The following ZNF433 variants were observed in gnomAD, a reference collection of about 807,000 sequenced individuals.
ZNF433 encodes the protein zinc finger protein 433.
In ZNF433, 12 loss-of-function variants were observed where a neutral mutation model predicts 10.6. That is an observed-to-expected ratio of 1.13 (90% CI 0.72 to 1.83). The LOEUF is 1.83. ZNF433 is among the 40% of genes most tolerant of loss of function. ZNF433 has a pLI of 0.00. For synonymous variants in ZNF433, 272 were observed against 271.3 expected (o/e 1.00, Z -0.02); for missense variants, 737 against 798.0 (o/e 0.92, Z 0.92).
At chr19:12,016,765 A>T in intron 3 of ZNF433, 99 bp from the exon 4 acceptor site, 2 of 1,433,524 alleles carry the variant, frequency 1.4e-6, no homozygotes, top group Non-Finnish European at 1.8e-6. Flanking sequence ...TTTTTTTGAG[A>T]TGGAGTCTCA....
At chr19:12,025,168 A>G (rs1204606048) in intron 1 of ZNF433, 2 of 152,140 alleles carry the variant, frequency 1.3e-5, no homozygotes, top group Admixed American at 1.3e-4. Flanking sequence ...AAAAAGCAAG[A>G]GCTTGTAGCT....
rs79356451 is a variant in ZNF433 at position 12,015,313 on chromosome 19, C to T, written c.1545G>A (p.Ser515=). 425 of 1,604,752 alleles carry T rather than the reference C, an allele frequency of 2.6e-4. No individual in the cohort carries two copies. Among genetic ancestry groups the T allele is most frequent in the Non-Finnish European group, 3.4e-4 (395 of 1,177,260 alleles). ...TCCTTCCATGATATCGAAAGGAGCT[C>T]GAACAGTTGAAGGATCTGCCACACT... ...CKQCGRSFNC[S]SSFRYHGRTH... Residue 515 remains serine, a synonymous_variant, in exon 4 of 4, where the codon TCG becomes TCA. Coordinates refer to ENST00000550507, the MANE Select transcript of ZNF433 (RefSeq NM_001308348.2).
chr19:12,034,738 C>T (rs1377390128), intron 1 of ZNF433: 2 of 450,744 alleles, frequency 4.4e-6, no homozygotes, highest in East Asian at 7.0e-5. Context: ...TTCACACTCT[C>T]CACCAACGGC....
At chr19:12,028,946 C>T (rs1330801419) in intron 1 of ZNF433, among the ~76,000 whole-genome samples, 1 of 152,110 alleles carries the variant, frequency 6.6e-6, no homozygotes, top group East Asian at 1.9e-4. Flanking sequence ...CCACCTTGGC[C>T]TCCAAAAGCA....
chr19:12,021,659 T>TC (rs1158031223), intron 1 of ZNF433, among the ~76,000 whole-genome samples: 1 of 152,180 alleles, frequency 6.6e-6, no homozygotes, highest in African/African-American at 2.4e-5. Context: ...AAGCCTTCCT[T>TC]GATATTTTAA....
intron 1 of ZNF433, chr19:12,022,152 C>G: frequency 4.9e-6 from 2 of 411,278 alleles, no homozygotes; most frequent in Non-Finnish European, 1.0e-5. Flanking sequence ...CAGGGAACAC[C>G]TGGCCCACCC....
Position 12,016,418 on chromosome 19 carries a change from G to A in ZNF433, c.440C>T (p.Pro147Leu). The A allele has an allele frequency of 6.2e-7, 1 of 1,614,078 alleles. No individual in the cohort carries two copies. The highest frequency in any genetic ancestry group is 1.3e-5 in the African/African-American group (1 of 75,012). Residue 147 changes from proline to leucine, a missense_variant, in exon 4 of 4, where the codon CCT (proline) becomes CTT (leucine). Pro to Leu is a moderately conservative substitution (Grantham distance 98). Transcript: ENST00000550507. Reference sequence around the variant, plus strand: ...CTGAACAGAGGAGAGACAGTTGAAAGGTTTTTTACAGTATTTACATTTATA... The same window carrying A: ...CTGAACAGAGGAGAGACAGTTGAAAAGTTTTTTACAGTATTTACATTTATA... ...KPYKCKYCKK[P>L]FNCLSSVQTH...
chr19:12,035,312 A>T (rs1975235921), intron 1 of ZNF433, among the ~76,000 whole-genome samples: 1 of 152,084 alleles, frequency 6.6e-6, no homozygotes, highest in African/African-American at 2.4e-5. Flanking sequence ...GGCTCTGGGA[A>T]CTGGGTGACA....
intron 1 of ZNF433, chr19:12,027,326 T>G (rs1974788413): frequency 6.4e-6 from 2 of 314,718 alleles, no homozygotes. Flanking sequence ...TTTATTGTCT[T>G]GCAAAAACAA....
intron 1 of ZNF433, among the ~76,000 whole-genome samples, chr19:12,031,035 C>T (rs927591279): frequency 4.6e-5 from 7 of 152,154 alleles, no homozygotes; most frequent in East Asian, 3.9e-4. Context: ...GGCTGGCTCA[C>T]GCCTGTACTC....
intron 3 of ZNF433, 77 bp from the exon 4 acceptor site, chr19:12,016,743 C>T (rs1974224405): frequency 6.6e-7 from 1 of 1,511,870 alleles, no homozygotes; most frequent in Non-Finnish European, 8.8e-7. Context: ...ATTGCACTTG[C>T]ATTTTTTCTC....
chr19:12,015,629 T>C lies in ZNF433; in HGVS notation c.1229A>G (p.Glu410Gly). The change falls in exon 4 of 4, where the codon GAA (glutamate) becomes GGA (glycine). Residue 410 changes from glutamate (E) to glycine (G), a missense_variant. By Grantham distance (98) the Glu-to-Gly change is moderately conservative. Transcript: ENST00000550507. ...FNSSSSFRYH[E>G]RTHTGEKPYE... is the part of the protein sequence containing the mutation. ...AGGTTTCTCTCCAGTGTGAGTTCTTTCATGATATCGGAAGGAACTGGAAGA... is the reference window on the plus strand; with the variant it reads ...AGGTTTCTCTCCAGTGTGAGTTCTTCCATGATATCGGAAGGAACTGGAAGA... The C allele has an allele frequency of 6.2e-7, 1 of 1,613,832 alleles. No homozygotes were observed. Among genetic ancestry groups the C allele is most frequent in the Non-Finnish European group, 8.5e-7 (1 of 1,179,964 alleles).
At chr19:12,017,124 C>T (rs1490701997) in intron 3 of ZNF433, among the ~76,000 whole-genome samples, 4 of 152,060 alleles carry the variant, frequency 2.6e-5, no homozygotes, top group African/African-American at 9.7e-5. Context: ...GGACCACAGG[C>T]TCTACAAGAT....
At chr19:12,021,852 C>T (rs1974509721) in intron 1 of ZNF433, 2 of 424,932 alleles carry the variant, frequency 4.7e-6, no homozygotes, top group Non-Finnish European at 9.9e-6. Context: ...CCACTCCCTG[C>T]TGTTATCCCA....
chr19:12,017,501 C>T (rs553083828), intron 3 of ZNF433, among the ~76,000 whole-genome samples: 15 of 152,262 alleles, frequency 9.9e-5, no homozygotes, highest in Admixed American at 2.0e-4. Flanking sequence ...CCACGCCTGG[C>T]GTCTCTGAGT....
intron 1 of ZNF433, chr19:12,023,905 AAAAT>A (rs923086271): frequency 3.3e-5 from 5 of 152,068 alleles, no homozygotes; most frequent in African/African-American, 9.7e-5. Context: ...TCCTAGGAAA[AAAAT>A]TGCAGGGTTT....
chr19:12,018,214 G>T lies in ZNF433; in HGVS notation c.82C>A (p.Leu28Ile). ...WALLDPSQKN[L>I]CRDVMQETFR... ...GTTTCTTGCATCACATCTCTACAGA[G>T]ATTTTTCTGGGAAGGATCCAGCAAA... The change falls in exon 2 of 4, where the codon CTC becomes ATC. Residue 28 changes from leucine to isoleucine, a missense_variant. Leu to Ile is a conservative substitution (Grantham distance 5). Transcript: ENST00000550507. The T allele has an allele frequency of 6.2e-7, 1 of 1,612,680 alleles. No homozygotes were observed. Among genetic ancestry groups the T allele is most frequent in the South Asian group, 1.1e-5 (1 of 90,946 alleles).
At chr19:12,025,135 T>C (rs1233738142) in intron 1 of ZNF433, 2 of 152,194 alleles carry the variant, frequency 1.3e-5, no homozygotes, top group African/African-American at 4.8e-5. Flanking sequence ...GTAAAGTTTT[T>C]CAGAAGCCCT....
At position 12,015,383 on chromosome 19, in the gene ZNF433, C is replaced by G. The variant is rs576813648; in HGVS notation, c.1475G>C (p.Arg492Thr). 6.2e-7 allele frequency: 1 copy of G among 1,613,996 alleles called. No homozygotes were observed. Residue 492 changes from arginine (R) to threonine (T), a missense_variant, in exon 4 of 4, where the codon AGA becomes ACA. Arg to Thr is a moderately conservative substitution (Grantham distance 71). Transcript: ENST00000550507. ...TCCTCCAGTGTGAGTCCTTTCATGT[C>G]TATGAAATAAACTGGGCAAACTGAA... Reference protein sequence around the residue: ...KTFSLPSLFHRHERTHTGGKT... With the variant: ...KTFSLPSLFHTHERTHTGGKT...
Sources: gnomAD v4.1 joint callset for allele counts (sites outside exome capture counted in the v4.1 genomes callset) on GRCh38, gnomAD v4.1.1 for gene constraint, MANE v1.5 for transcripts, NCBI Gene and HGNC (gene_info 2026-07-23, HGNC 2026-07-21) for gene names.